The following CCDC192 variants were observed in gnomAD, a reference collection of about 807,000 sequenced individuals.
The protein encoded by CCDC192 is coiled-coil domain-containing protein 192.
At chr5:127,868,538 T>C (rs2127120938) in intron 5 of CCDC192, among the ~76,000 whole-genome samples, 1 of 152,312 alleles carries the variant, frequency 6.6e-6, no homozygotes, top group South Asian at 2.1e-4. Flanking sequence ...TAAGACTTCA[T>C]GGTCAGAGGT....
In CCDC192 at chr5:127,713,776, G is replaced by A. The variant is rs370826379; in HGVS notation, c.114+6016G>A. ...GGGGTACAGTGTGATGTTTTAATATGTGTATATAATGTGTAGTGATCAAAT... is the reference window on the plus strand; with the variant it reads ...GGGGTACAGTGTGATGTTTTAATATATGTATATAATGTGTAGTGATCAAAT... On this transcript the variant is annotated intron_variant, in intron 2 of 6. Coordinates refer to ENST00000514853, the MANE Select transcript of CCDC192 (RefSeq NM_001317938.2). 3.3e-5 allele frequency among the ~76,000 whole-genome samples: 5 copies of A among 152,144 alleles called. No homozygotes were observed. In the East Asian group the frequency reaches 9.6e-4, roughly 29 times the overall value.
chr5:127,753,487 G>A (rs1754366238), intron 2 of CCDC192, among the ~76,000 whole-genome samples: 1 of 152,072 alleles, frequency 6.6e-6, no homozygotes, highest in South Asian at 2.1e-4. Context: ...CACGAGGTCA[G>A]GATTTCAAGA....
At chr5:127,719,832 G>T (rs75346965) in intron 2 of CCDC192, among the ~76,000 whole-genome samples, 3 of 112,308 alleles carry the variant, frequency 2.7e-5, no homozygotes, top group African/African-American at 3.8e-5. Context: ...CAGAGGAAGG[G>T]GCGGGGGAGG....
In CCDC192 at chr5:127,906,580, G is replaced by C. The variant is rs554476340; in HGVS notation, c.535+30919G>C. ...GGGGGTGGATCACTTGAGCCCATGA[G>C]TTCAAGACCAGCCTGGGCAACATAG... On this transcript the variant is annotated intron_variant, in intron 6 of 6. Transcript: ENST00000514853. 1.2e-4 allele frequency among the ~76,000 whole-genome samples: 18 copies of C among 152,232 alleles called. 1 individual carries two copies. In the South Asian group the frequency reaches 2.7e-3, roughly 23 times the overall value.
At chr5:127,877,354 GATT>G (rs1561535716) in intron 6 of CCDC192, among the ~76,000 whole-genome samples, 41 of 151,218 alleles carry the variant, frequency 2.7e-4, no homozygotes, top group Admixed American at 2.6e-4. Flanking sequence ...TATTTTTGTG[GATT>G]TTTTTTTTAA....
chr5:127,789,942 G>C (rs1213502409), intron 3 of CCDC192, among the ~76,000 whole-genome samples: 2 of 152,232 alleles, frequency 1.3e-5, no homozygotes, highest in African/African-American at 4.8e-5. Flanking sequence ...GTGTGGTAGA[G>C]CCCTTGGGGT....
chr5:127,754,876 G>T (rs1337160947), intron 3 of CCDC192, among the ~76,000 whole-genome samples: 1 of 152,230 alleles, frequency 6.6e-6, no homozygotes, highest in Non-Finnish European at 1.5e-5. Flanking sequence ...AGCAGCAGGT[G>T]ATAAGTGGAG....
At chr5:127,898,917 T>A (rs995093502) in intron 6 of CCDC192, among the ~76,000 whole-genome samples, 1 of 152,192 alleles carries the variant, frequency 6.6e-6, no homozygotes, top group African/African-American at 2.4e-5. Context: ...AGATTTTCAC[T>A]GTGAACAAGG....
intron 5 of CCDC192, among the ~76,000 whole-genome samples, chr5:127,810,198 C>T (rs1422644858): frequency 6.6e-6 from 1 of 152,182 alleles, no homozygotes; most frequent in Non-Finnish European, 1.5e-5. Flanking sequence ...CTTTCTCATT[C>T]AAATAACAGT....
intron 6 of CCDC192, among the ~76,000 whole-genome samples, chr5:127,903,215 G>A (rs1445653348): frequency 6.6e-6 from 1 of 151,450 alleles, no homozygotes; most frequent in East Asian, 1.9e-4. Flanking sequence ...TCCTGCCTAA[G>A]TTCTGTAATT....
chr5:127,868,021 T>C (rs1471787191), intron 5 of CCDC192, among the ~76,000 whole-genome samples: 1 of 151,480 alleles, frequency 6.6e-6, no homozygotes, highest in African/African-American at 2.4e-5. Flanking sequence ...TTTTTTTTTT[T>C]TTTTCAAGTT....
At chr5:127,746,855 G>A (rs1177142688) in intron 2 of CCDC192, among the ~76,000 whole-genome samples, 2 of 152,010 alleles carry the variant, frequency 1.3e-5, no homozygotes, top group South Asian at 2.1e-4. Flanking sequence ...TTATATCAGA[G>A]GCCAGTGGCA....
In CCDC192 at chr5:127,736,002, G is replaced by A. The variant is rs1290294895; in HGVS notation, c.115-18266G>A. Among the ~76,000 whole-genome samples, 4 of 112,874 alleles carry A rather than the reference G, an allele frequency of 3.5e-5. No individual in the cohort carries two copies. The South Asian group carries it at 1.3e-3, about 36-fold the overall frequency. 74.0% of individuals were successfully genotyped at this position (112,874 alleles called of 152,430 possible). On this transcript the variant is annotated intron_variant, in intron 2 of 6. Transcript: ENST00000514853. ...TGGTGAGAGAGGGCATCCCTGTCTTGTCCCAGTTTTCAAAGGGAATGCTTC... is the reference window on the plus strand; with the variant it reads ...TGGTGAGAGAGGGCATCCCTGTCTTATCCCAGTTTTCAAAGGGAATGCTTC...
rs188876749 is a variant in CCDC192 at position 127,842,979 on chromosome 5, G to A, written c.412-32559G>A. The stretch of plus-strand genomic sequence containing the variant: ...GGAGTTTCATGGCATCTGTGATAGT[G>A]TACACTTTCTGCTTCATCACCTTAA... On this transcript the variant is annotated intron_variant, in intron 5 of 6. Coordinates refer to ENST00000514853, the MANE Select transcript of CCDC192 (RefSeq NM_001317938.2). 8.7e-5 allele frequency among the ~76,000 whole-genome samples: 13 copies of A among 149,802 alleles called. 1 individual carries two copies. The highest frequency in any genetic ancestry group is 6.6e-4 in the Admixed American group (10 of 15,076).
intron 6 of CCDC192, among the ~76,000 whole-genome samples, chr5:127,881,805 A>G (rs1752363530): frequency 1.3e-5 from 2 of 152,350 alleles, no homozygotes; most frequent in Admixed American, 1.3e-4. Context: ...GATTCCTTCC[A>G]TCATTTCCAC....
chr5:127,775,052 C>T (rs370168815), intron 3 of CCDC192, among the ~76,000 whole-genome samples: 2 of 152,124 alleles, frequency 1.3e-5, no homozygotes, highest in African/African-American at 4.8e-5. Flanking sequence ...TCAGATTGCT[C>T]ATTTCTGGTT....
chr5:127,833,780 A>G (rs1190089516), intron 5 of CCDC192, among the ~76,000 whole-genome samples: 1 of 152,192 alleles, frequency 6.6e-6, no homozygotes, highest in Non-Finnish European at 1.5e-5. Context: ...AAGCTGTATA[A>G]AAAACAATTC....
intron 6 of CCDC192, among the ~76,000 whole-genome samples, chr5:127,909,631 A>T (rs1280550880): frequency 6.7e-6 from 1 of 148,430 alleles, no homozygotes; most frequent in African/African-American, 2.5e-5. Context: ...TAGTTAATGG[A>T]AAAAAAAAAC....
At chr5:127,809,538 C>T (rs1339269951) in intron 5 of CCDC192, among the ~76,000 whole-genome samples, 1 of 152,098 alleles carries the variant, frequency 6.6e-6, no homozygotes, top group African/African-American at 2.4e-5. Context: ...GTGAGGGGAA[C>T]ACTCATGAAC....
Sources: gnomAD v4.1 joint callset for allele counts (sites outside exome capture counted in the v4.1 genomes callset) on GRCh38, gnomAD v4.1.1 for gene constraint, MANE v1.5 for transcripts, NCBI Gene and HGNC (gene_info 2026-07-23, HGNC 2026-07-21) for gene names.